The following ADAMTS14 variants were observed in gnomAD, a reference collection of about 807,000 sequenced individuals.
ADAMTS14 encodes the protein ADAM metallopeptidase with thrombospondin type 1 motif 14.
Under a neutral mutation model 128.6 loss-of-function variants are expected in ADAMTS14, and 100 were observed. The ratio of observed to expected loss-of-function variants is 0.78; its 90% CI spans 0.66 to 0.92. The LOEUF is 0.92. ADAMTS14 is among the 40% of genes least tolerant of loss of function. The probability of loss-of-function intolerance (pLI) is 0.00; values close to 1 mark genes in which losing one functional copy is unlikely to be tolerated. For synonymous variants in ADAMTS14, 665 were observed against 653.8 expected (o/e 1.02, Z -0.26); for missense variants, 1,562 against 1,658.6 (o/e 0.94, Z 1.01).
chr10:70,711,741 C>T (rs182597206), intron 4 of ADAMTS14, among the ~76,000 whole-genome samples: 4 of 152,004 alleles, frequency 2.6e-5, no homozygotes, highest in Admixed American at 2.0e-4. Flanking sequence ...ACAGCACACA[C>T]AGCACAGGGT....
chr10:70,675,311 T>C (rs1368996628), intron 2 of ADAMTS14, among the ~76,000 whole-genome samples: 2 of 152,168 alleles, frequency 1.3e-5, no homozygotes, highest in African/African-American at 4.8e-5. Flanking sequence ...CTGTGAGGAT[T>C]TGGATGAGTT....
At chr10:70,749,675 C>G (rs1842292009) in intron 15 of ADAMTS14, 147 bp from the exon 16 acceptor site, 1 of 927,208 alleles carries the variant, frequency 1.1e-6, no homozygotes, top group African/African-American at 1.7e-5. Context: ...GTTGACCTGT[C>G]TGACTCGGGA....
Position 70,708,765 on chromosome 10 carries a change from C to A in ADAMTS14, c.857C>A (p.Thr286Asn), listed in dbSNP as rs756817463. 2.9e-5 allele frequency: 47 copies of A among 1,605,402 alleles called. No individual in the cohort carries two copies. The highest frequency in any genetic ancestry group is 3.9e-5 in the Non-Finnish European group (46 of 1,173,706). ...GKEHVQNYVLTLMNIVDEIYH... is the reference protein window; with the variant it reads ...GKEHVQNYVLNLMNIVDEIYH... ...GAGCATGTGCAGAACTATGTCCTCA[C>A]CCTCATGAATATCGTGAGTGTCCAT... The change falls in exon 4 of 22, where the codon ACC becomes AAC. Residue 286 changes from threonine to asparagine, a missense_variant. Coordinates refer to ENST00000373207, the MANE Select transcript of ADAMTS14 (RefSeq NM_080722.4).
rs1841650548 is a variant in ADAMTS14, at chr10:70,731,877, C to T, written c.1103-377C>T. 5.9e-5 allele frequency among the ~76,000 whole-genome samples: 9 copies of T among 152,286 alleles called. 1 individual carries two copies. In the South Asian group the frequency reaches 1.4e-3, roughly 25 times the overall value. On this transcript the variant is annotated intron_variant, in intron 6 of 21. Transcript: ENST00000373207. ...CGGATCTGAGTCTCCTGTTTTCCCC[C>T]TGGTACCTAACATAATGCTGCCCCC...
At chr10:70,728,258 T>C (rs1486486537) in intron 4 of ADAMTS14, among the ~76,000 whole-genome samples, 1 of 152,256 alleles carries the variant, frequency 6.6e-6, no homozygotes, top group Non-Finnish European at 1.5e-5. Context: ...AAACAGTATA[T>C]TCAGTATGAT....
chr10:70,760,114 CTGCG>C (rs1230849440), intron 21 of ADAMTS14, among the ~76,000 whole-genome samples: 1 of 152,166 alleles, frequency 6.6e-6, no homozygotes, highest in Non-Finnish European at 1.5e-5. Flanking sequence ...GCTGCTGCTG[CTGCG>C]TGTGGGGACA....
chr10:70,731,899 C>A (rs1294742785), intron 6 of ADAMTS14, among the ~76,000 whole-genome samples: 1 of 152,132 alleles, frequency 6.6e-6, no homozygotes, highest in East Asian at 1.9e-4. Context: ...ATAATGCTGC[C>A]CCCAACTCCT....
At chr10:70,732,899 A>T (rs907876173) in intron 7 of ADAMTS14, among the ~76,000 whole-genome samples, 4 of 152,198 alleles carry the variant, frequency 2.6e-5, no homozygotes, top group Admixed American at 2.6e-4. Context: ...GAGTGTGTTC[A>T]TTCATTCAAT....
chr10:70,681,308 T>G (rs1024726657), intron 2 of ADAMTS14, among the ~76,000 whole-genome samples: 1 of 151,912 alleles, frequency 6.6e-6, no homozygotes, highest in East Asian at 1.9e-4. Flanking sequence ...TTTTAAAGGA[T>G]CAGTAGGGGT....
At chr10:70,688,753 A>G (rs1192746137) in intron 2 of ADAMTS14, among the ~76,000 whole-genome samples, 1 of 76,282 alleles carries the variant, frequency 1.3e-5, no homozygotes, top group East Asian at 2.6e-4. Context: ...GGCATTCGGC[A>G]GACTGAGGCA....
chr10:70,743,766 C>A, intron 13 of ADAMTS14, 85 bp downstream of exon 13: 1 of 1,450,294 alleles, frequency 6.9e-7, no homozygotes, highest in Non-Finnish European at 9.1e-7. Context: ...GGAAGATGAG[C>A]ATTGCCTCAC....
chr10:70,752,053 G>C lies in ADAMTS14; in HGVS notation c.2597-42G>C, dbSNP rs773995095. 6 of 1,580,586 alleles carry C rather than the reference G, an allele frequency of 3.8e-6. No individual in the cohort carries two copies. The South Asian group carries it at 5.9e-5, about 16-fold the overall frequency. ...TGAGGCCCCACCAGGGCAATGGGGG[G>C]CCTGGCTGGACTAGGCCCACGGCAG... On this transcript the variant is annotated intron_variant, in intron 17 of 21. Transcript: ENST00000373207.
chr10:70,751,504 C>T lies in ADAMTS14; in HGVS notation c.2454C>T (p.Pro818=), dbSNP rs1349492583. ...CTCTCCCCCCAACTGAGGGTGGCCC[C>T]CGCAGCAGCCTGGCCTACAAGTACG... ...ILALPPTEGG[P]RSSLAYKYVI... The change falls in exon 17 of 22, where the codon CCC becomes CCT. Residue 818 remains proline (P), a synonymous_variant. Coordinates refer to ENST00000373207, the MANE Select transcript of ADAMTS14 (RefSeq NM_080722.4). 1.2e-6 allele frequency: 2 copies of T among 1,610,552 alleles called. No homozygotes were observed. The highest frequency in any genetic ancestry group is 1.1e-5 in the South Asian group (1 of 90,976).
Position 70,681,692 on chromosome 10 carries a change from T to C in ADAMTS14, c.522+6697T>C, listed in dbSNP as rs558425601. Among the ~76,000 whole-genome samples the C allele has an allele frequency of 1.8e-4, 28 of 152,300 alleles. No individual in the cohort carries two copies. The South Asian group carries it at 2.1e-3, about 11-fold the overall frequency. On this transcript the variant is annotated intron_variant, in intron 2 of 21. Transcript: ENST00000373207. ...GCGTCCTGTGGGCGCCCTGGGAAGC[T>C]GCGGGTCGGCTCCACATTCCACCCT... is the stretch of plus-strand genomic sequence containing the variant.
chr10:70,743,550 GC>G lies in ADAMTS14; in HGVS notation c.1930del (p.Gln644ArgfsTer5). On this transcript the variant is annotated frameshift_variant, in exon 13 of 22. Transcript: ENST00000373207. LOFTEE classifies it high-confidence loss of function. Reference protein sequence around the residue: ...SWVPYEPDDDAQKCELICQSA... With the variant: ...SWVPYEPDDDXQKCELICQSA... ...CAGCATAGTCCCTCTCCCTACAGAC[GC>G]CCAGAAGTGTGAGCTGATCTGCCAG... 1.2e-6 allele frequency: 2 copies of G among 1,612,320 alleles called. No homozygotes were observed. Among genetic ancestry groups the G allele is most frequent in the Non-Finnish European group, 1.7e-6 (2 of 1,179,532 alleles).
At chr10:70,714,968 A>AG (rs1367213356) in intron 4 of ADAMTS14, among the ~76,000 whole-genome samples, 3,424 of 132,316 alleles carry the variant, frequency 0.026, 368 homozygotes, top group African/African-American at 0.042. Context: ...AAAAAAAAAA[A>AG]AAAAGAAACA....
intron 4 of ADAMTS14, among the ~76,000 whole-genome samples, chr10:70,723,685 A>T (rs556495929): frequency 2.4e-4 from 37 of 152,264 alleles, no homozygotes; most frequent in African/African-American, 8.9e-4. Flanking sequence ...TAATACCCCC[A>T]GGGTCTTGCT....
In ADAMTS14 at chr10:70,751,919, G is replaced by A. The variant is rs112373752; in HGVS notation, c.2597-176G>A. 2.8e-3 allele frequency among the ~76,000 whole-genome samples: 429 copies of A among 152,320 alleles called. 4 individuals are homozygous for A. The highest frequency in any genetic ancestry group is 9.7e-3 in the African/African-American group (404 of 41,574). ...TGTCCAGAGCCACCTTCTTACCAGCGAGATGGAGCTGATCAGGAAGGCGTC... is the reference window on the plus strand; with the variant it reads ...TGTCCAGAGCCACCTTCTTACCAGCAAGATGGAGCTGATCAGGAAGGCGTC... On this transcript the variant is annotated intron_variant, in intron 17 of 21. Transcript: ENST00000373207.
Position 70,744,096 on chromosome 10 carries a change from A to G in ADAMTS14, c.2089A>G (p.Met697Val). Residue 697 changes from methionine (M) to valine (V), a missense_variant, in exon 14 of 22, where the codon ATG becomes GTG. Physicochemically the swap from Met to Val is conservative, Grantham distance 21. Coordinates refer to ENST00000373207, the MANE Select transcript of ADAMTS14 (RefSeq NM_080722.4). ...CGGCTGTGACAAGGAGGTGGGGTCC[A>G]TGAAGGCGGATGACAAGTGTGGAGT... ...PVGCDKEVGS[M>V]KADDKCGVCG... 2.6e-6 allele frequency: 4 copies of G among 1,565,290 alleles called. No individual in the cohort carries two copies. The highest frequency in any genetic ancestry group is 1.7e-4 in the Middle Eastern group (1 of 6,014).
Sources: allele counts gnomAD v4.1 joint callset (sites outside exome capture counted in the v4.1 genomes callset), GRCh38; gene constraint gnomAD v4.1.1; transcripts MANE v1.5; gene names NCBI Gene and HGNC (gene_info 2026-07-23, HGNC 2026-07-21).